Variants in APP observed in about 807,000 individuals in gnomAD.
APP encodes amyloid-beta precursor protein.
Under a neutral mutation model 101.4 loss-of-function variants are expected in APP, and 31 were observed. The ratio of observed to expected loss-of-function variants is 0.31; its 90% CI spans 0.23 to 0.41. The LOEUF (loss-of-function observed/expected upper bound fraction) is 0.41. Ranked by LOEUF, APP falls within the 10% of genes least tolerant of loss-of-function variation. The pLI is 1.00. For missense variants in APP, 839 were observed against 1,003.7 expected (o/e 0.84, Z 2.22); for synonymous variants, 366 against 364.4 (o/e 1.00, Z -0.05).
chr21:26,020,300 GGAGT>G (rs2044280961), intron 6 of APP, among the ~76,000 whole-genome samples: 2 of 152,118 alleles, frequency 1.3e-5, no homozygotes, highest in Non-Finnish European at 2.9e-5. Flanking sequence ...GGCTTAACTG[GGAGT>G]GAGTATGTGT....
At position 26,021,921 on chromosome 21, in the gene APP, A is replaced by G. The variant is rs779428437; in HGVS notation, c.784T>C (p.Tyr262His). The G allele has an allele frequency of 5.6e-6, 9 of 1,612,918 alleles. No homozygotes were observed. Among genetic ancestry groups the G allele is most frequent in the Middle Eastern group, 3.3e-4 (2 of 6,084 alleles). Residue 262 changes from tyrosine to histidine, a missense_variant, in exon 6 of 18, where the codon TAC becomes CAC. By Grantham distance (83) the Tyr-to-His change is moderately conservative. Coordinates refer to ENST00000346798, the MANE Select transcript of APP (RefSeq NM_000484.4). ...DEVEEEAEEP[Y>H]EEATERTTSI... is the part of the protein sequence containing the mutation. ...GTGGTTCTCTCTGTGGCTTCTTCGT[A>G]GGGTTCCTCAGCCTCTTCCTCTACC... is the stretch of plus-strand genomic sequence containing the variant.
Position 26,093,687 on chromosome 21 carries a change from C to G in APP, c.226-3615G>C, listed in dbSNP as rs12482613. Among the ~76,000 whole-genome samples the G allele has an allele frequency of 7.3e-3, 1,109 of 152,272 alleles. 37 individuals are homozygous for G. The highest frequency in any genetic ancestry group is 0.054 in the Admixed American group (832 of 15,300). On this transcript the variant is annotated intron_variant, in intron 2 of 17. Transcript: ENST00000346798. Reference sequence around the variant, plus strand: ...TAGTACTAGAACTTTATACAGTGATCAGCCAAACACAGAATTTACTTCCAG... The same window carrying G: ...TAGTACTAGAACTTTATACAGTGATGAGCCAAACACAGAATTTACTTCCAG...
At chr21:25,941,301 G>A (rs2040567151) in intron 13 of APP, 1 of 152,156 alleles carries the variant, frequency 6.6e-6, no homozygotes, top group African/African-American at 2.4e-5. Flanking sequence ...TGTTTTGTCT[G>A]TCTCAGGTTA....
intron 8 of APP, among the ~76,000 whole-genome samples, chr21:25,987,149 G>A (rs1210197829): frequency 6.6e-6 from 1 of 152,210 alleles, no homozygotes; most frequent in African/African-American, 2.4e-5. Context: ...CTATGAAACA[G>A]CTGTTCCTGC....
At chr21:26,073,162 AC>A (rs1365436754) in intron 3 of APP, among the ~76,000 whole-genome samples, 1 of 151,728 alleles carries the variant, frequency 6.6e-6, no homozygotes, top group Non-Finnish European at 1.5e-5. Context: ...AAAATGGACA[AC>A]CCCAGGGTAC....
rs1417566850 is a variant in APP at position 25,891,262 on chromosome 21, T to C, written c.2211+460A>G. 4.6e-5 allele frequency among the ~76,000 whole-genome samples: 7 copies of C among 152,098 alleles called. No individual in the cohort carries two copies. In the East Asian group the frequency reaches 1.3e-3, roughly 29 times the overall value. On this transcript the variant is annotated intron_variant, in intron 17 of 17. Transcript: ENST00000346798. ...GAGTCTGCACTGAAAAGTCACATTA[T>C]TTACTATTACCTGGTTGTATTGAGA...
At chr21:25,901,099 A>C (rs181065964) in intron 15 of APP, among the ~76,000 whole-genome samples, 4 of 152,144 alleles carry the variant, frequency 2.6e-5, no homozygotes, top group African/African-American at 9.6e-5. Context: ...GGAGTTCGAG[A>C]CCAGCCTAGC....
chr21:26,170,433 G>C (rs2063721351), intron 1 of APP, 131 bp downstream of exon 1: 1 of 975,114 alleles, frequency 1.0e-6, no homozygotes, highest in South Asian at 1.6e-5. Flanking sequence ...TCCGCAAGCG[G>C]GGGCGGAGAG....
intron 3 of APP, among the ~76,000 whole-genome samples, chr21:26,056,320 G>A (rs1480238291): frequency 6.6e-6 from 1 of 152,192 alleles, no homozygotes; most frequent in Non-Finnish European, 1.5e-5. Context: ...TTACAGACAT[G>A]AGCCACCACG....
In APP at chr21:25,880,731, C is replaced by G. The variant is rs1025204856; in HGVS notation, c.*939G>C. 6.6e-6 allele frequency: 1 copy of G among 152,170 alleles called. No individual in the cohort carries two copies. The highest frequency in any genetic ancestry group is 2.1e-4 in the South Asian group (1 of 4,824). 9.4% of individuals were successfully genotyped at this position (152,170 alleles called of 1,614,324 possible). A position where few individuals can be genotyped will look rare whatever the true frequency, so the allele number is the denominator to read the frequency against. On this transcript the variant is annotated 3_prime_UTR_variant, in exon 18 of 18. Transcript: ENST00000346798. ...ACTGGTTAAAGAAAATTGAATCTGC[C>G]TCTTCTCCCCACCCAAAATTACTTC...
intron 13 of APP, among the ~76,000 whole-genome samples, chr21:25,927,002 C>CAAAAAAAA (rs36048306): frequency 1.5e-5 from 1 of 67,268 alleles, no homozygotes; most frequent in African/African-American, 6.3e-5. Flanking sequence ...GACTCCGTCT[C>CAAAAAAAA]AAAAAAAAAA....
chr21:26,061,117 G>A (rs967722499), intron 3 of APP, among the ~76,000 whole-genome samples: 1 of 152,218 alleles, frequency 6.6e-6, no homozygotes, highest in Non-Finnish European at 1.5e-5. Context: ...AGCAGTAGAG[G>A]TGGTGCGTGT....
chr21:26,106,505 A>G (rs1473327911), intron 2 of APP, among the ~76,000 whole-genome samples: 3 of 152,124 alleles, frequency 2.0e-5, no homozygotes, highest in Non-Finnish European at 2.9e-5. Context: ...TCACATATCC[A>G]CTGGATCTCC....
At chr21:26,149,245 G>A (rs1186873706) in intron 1 of APP, among the ~76,000 whole-genome samples, 1 of 152,226 alleles carries the variant, frequency 6.6e-6, no homozygotes, top group Non-Finnish European at 1.5e-5. Context: ...GAGAAGATAA[G>A]TGGTTAAGAG....
At chr21:26,122,517 C>T (rs1601517870) in intron 1 of APP, among the ~76,000 whole-genome samples, 1 of 152,260 alleles carries the variant, frequency 6.6e-6, no homozygotes, top group East Asian at 1.9e-4. Flanking sequence ...TCTAGAAAGT[C>T]ATTTCCATCT....
At chr21:26,168,903 A>G (rs1027328053) in intron 1 of APP, among the ~76,000 whole-genome samples, 2 of 152,238 alleles carry the variant, frequency 1.3e-5, no homozygotes, top group Non-Finnish European at 2.9e-5. Flanking sequence ...AGAAACTAAA[A>G]AACTAATGGT....
In APP at chr21:26,125,478, G is replaced by A. The variant is rs114236956; in HGVS notation, c.58-13332C>T. On this transcript the variant is annotated intron_variant, in intron 1 of 17. Transcript: ENST00000346798. The stretch of plus-strand genomic sequence containing the variant: ...AAAGGTACTGCACAGCCAAGACTAC[G>A]GTCTGACTGGAAGCACCAGGAGTAA... Among the ~76,000 whole-genome samples the A allele has an allele frequency of 9.1e-3, 1,389 of 152,164 alleles. 16 individuals are homozygous for A. Among genetic ancestry groups the A allele is most frequent in the African/African-American group, 0.032 (1,308 of 41,494 alleles).
In APP at chr21:26,006,417, G is replaced by C. The variant is rs557565156; in HGVS notation, c.866-6235C>G. Among the ~76,000 whole-genome samples, 4 of 152,274 alleles carry C rather than the reference G, an allele frequency of 2.6e-5. No individual in the cohort carries two copies. In the East Asian group the frequency reaches 7.7e-4, roughly 29 times the overall value. On this transcript the variant is annotated intron_variant, in intron 6 of 17. Coordinates refer to ENST00000346798, the MANE Select transcript of APP (RefSeq NM_000484.4). ...AATGCTGGTGTATACGAAACACAAA[G>C]CAAAATCATGTGCTTCTAATAAAAC...
chr21:26,086,390 G>A (rs2830046), intron 3 of APP, among the ~76,000 whole-genome samples: 111,722 of 152,030 alleles, frequency 0.73, 41,284 homozygotes, highest in East Asian at 0.92. Context: ...ACATATGTCC[G>A]AGGCAAAATA....
Sources: gnomAD v4.1 joint callset for allele counts (sites outside exome capture counted in the v4.1 genomes callset) on GRCh38, gnomAD v4.1.1 for gene constraint, MANE v1.5 for transcripts, NCBI Gene and HGNC (gene_info 2026-07-23, HGNC 2026-07-21) for gene names.